TMEM178A: variants seen among roughly 807,000 people sequenced by gnomAD.
TMEM178A encodes the protein transmembrane protein 178.
Under a neutral mutation model 29.1 loss-of-function variants are expected in TMEM178A, and 12 were observed. The ratio of observed to expected loss-of-function variants is 0.41; its 90% CI spans 0.26 to 0.67. The LOEUF (loss-of-function observed/expected upper bound fraction) is 0.67, where lower values mean the gene tolerates loss of function less well. Ranked by LOEUF, TMEM178A falls within the 30% of genes least tolerant of loss-of-function variation. The probability of loss-of-function intolerance (pLI) is 0.29; values close to 1 mark genes in which losing one functional copy is unlikely to be tolerated. For synonymous variants in TMEM178A, 210 were observed against 187.2 expected, an observed-to-expected ratio of 1.12 and a Z score of -0.99; for missense variants, 366 against 419.1, an observed-to-expected ratio of 0.87 and a Z score of 1.11.
chr2:39,666,947 A>G (rs1296345407), intron 1 of TMEM178A, among the ~76,000 whole-genome samples: 1 of 152,362 alleles, frequency 6.6e-6, no homozygotes, highest in Non-Finnish European at 1.5e-5. Context: ...GCTGATGGGC[A>G]GCGAAGGAGG....
At chr2:39,667,683 T>G (rs1043883860) in intron 1 of TMEM178A, among the ~76,000 whole-genome samples, 3 of 152,220 alleles carry the variant, frequency 2.0e-5, no homozygotes, top group African/African-American at 7.2e-5. Flanking sequence ...AACTTCCTCC[T>G]TCCCATGGCT....
chr2:39,721,142 T>C (rs1672694620), downstream of TMEM178A, among the ~76,000 whole-genome samples: 1 of 152,264 alleles, frequency 6.6e-6, no homozygotes, highest in Admixed American at 6.5e-5. Context: ...TGAATTTCTC[T>C]GGGGCCTTGC....
chr2:39,714,249 G>A (rs997441851), intron 3 of TMEM178A, among the ~76,000 whole-genome samples: 35 of 152,216 alleles, frequency 2.3e-4, no homozygotes, highest in African/African-American at 8.4e-4. Flanking sequence ...GAGAGGGGAT[G>A]GATTTTTGGG....
At chr2:39,666,752 G>A (rs191834216) in intron 1 of TMEM178A, among the ~76,000 whole-genome samples, 5 of 152,326 alleles carry the variant, frequency 3.3e-5, no homozygotes, top group Admixed American at 3.3e-4. Flanking sequence ...CTCCCCGTGA[G>A]GGGGACTAAC....
At chr2:39,729,079 A>G in the TMEM178A span, among the ~76,000 whole-genome samples, 1 of 152,170 alleles carries the variant, frequency 6.6e-6, no homozygotes, top group African/African-American at 2.4e-5. Context: ...TTCGGCAGAA[A>G]AGGAATTCAT....
the TMEM178A span, among the ~76,000 whole-genome samples, chr2:39,733,694 T>C: frequency 1.5e-3 from 230 of 152,316 alleles, 1 homozygote; most frequent in African/African-American, 5.3e-3. Flanking sequence ...GGTTGCAAAA[T>C]TGGATGTTTG....
At position 39,717,364 on chromosome 2, in the gene TMEM178A, C is replaced by G; in HGVS notation, c.*113C>G. On this transcript the variant is annotated 3_prime_UTR_variant, in exon 4 of 4. Transcript: ENST00000281961. ...ACATTCCAACCTGTTGCCTGCCAGC[C>G]CTTTCTGGATTACTGATAGAAAATC... 2 of 1,427,998 alleles carry G rather than the reference C, an allele frequency of 1.4e-6. No homozygotes were observed. Among genetic ancestry groups the G allele is most frequent in the East Asian group, 2.4e-5 (1 of 41,530 alleles). 88.5% of individuals were successfully genotyped at this position (1,427,998 alleles called of 1,614,324 possible).
chr2:39,680,890 A>G (rs1558446706), intron 1 of TMEM178A, among the ~76,000 whole-genome samples: 2 of 152,200 alleles, frequency 1.3e-5, no homozygotes, highest in Non-Finnish European at 2.9e-5. Context: ...AGTTTTAGAT[A>G]GTGCTTTTTG....
At chr2:39,724,312 G>T in the TMEM178A span, among the ~76,000 whole-genome samples, 1 of 151,546 alleles carries the variant, frequency 6.6e-6, no homozygotes, top group Non-Finnish European at 1.5e-5. Flanking sequence ...CTAGCCTTAC[G>T]GTTAGAGGTA....
downstream of TMEM178A, among the ~76,000 whole-genome samples, chr2:39,722,826 CAG>C (rs1296773520): frequency 6.6e-6 from 1 of 152,180 alleles, no homozygotes; most frequent in African/African-American, 2.4e-5. Flanking sequence ...CTGGTTGGCC[CAG>C]AGTCTGACCA....
chr2:39,731,020 GC>G, the TMEM178A span, among the ~76,000 whole-genome samples: 1 of 152,182 alleles, frequency 6.6e-6, no homozygotes, highest in Admixed American at 6.5e-5. Context: ...ATGCCGTAAG[GC>G]CTTATGGTGA....
At chr2:39,702,827 T>C (rs909036074) in intron 1 of TMEM178A, among the ~76,000 whole-genome samples, 1 of 152,232 alleles carries the variant, frequency 6.6e-6, no homozygotes, top group African/African-American at 2.4e-5. Context: ...TTACTTGGGA[T>C]GCTTGTTAAA....
At chr2:39,687,807 C>CT (rs1671147202) in intron 1 of TMEM178A, among the ~76,000 whole-genome samples, 1 of 152,252 alleles carries the variant, frequency 6.6e-6, no homozygotes. Flanking sequence ...TCCTTGTTCA[C>CT]TTGAAAGGGT....
chr2:39,734,758 T>A, the TMEM178A span, among the ~76,000 whole-genome samples: 1 of 152,208 alleles, frequency 6.6e-6, no homozygotes. Flanking sequence ...ACCTGCAGCC[T>A]CTGCAGCCTT....
chr2:39,665,779 C>T (rs967879334), upstream of TMEM178A: 1 of 336,338 alleles, frequency 3.0e-6, no homozygotes, highest in Non-Finnish European at 4.5e-6. Context: ...CGGGGGCGGG[C>T]GGGCGGTGGG....
chr2:39,665,877 G>A (rs1670121733), upstream of TMEM178A: 5 of 1,126,276 alleles, frequency 4.4e-6, no homozygotes, highest in Admixed American at 1.3e-4. Context: ...GGGCAGGTGG[G>A]GGGAAGAGGG....
chr2:39,721,013 C>T (rs191579520), downstream of TMEM178A, among the ~76,000 whole-genome samples: 4 of 152,308 alleles, frequency 2.6e-5, no homozygotes, highest in East Asian at 7.7e-4. Flanking sequence ...TTAAAGCGTT[C>T]TCATTTATGT....
chr2:39,666,368 C>G lies in TMEM178A; in HGVS notation c.394C>G (p.Leu132Val). The change falls in exon 1 of 4, where the codon CTG becomes GTG. Residue 132 changes from leucine to valine, a missense_variant. Coordinates refer to ENST00000281961, the MANE Select transcript of TMEM178A (RefSeq NM_152390.3). ...CGACCGGGACATCGACACCCTCATCCTGAAAGGTGAGCGGCGGGCGCACCC... is the reference window on the plus strand; with the variant it reads ...CGACCGGGACATCGACACCCTCATCGTGAAAGGTGAGCGGCGGGCGCACCC... ...GIDRDIDTLILKGIAQRCTAI... is the reference protein window; with the variant it reads ...GIDRDIDTLIVKGIAQRCTAI... The G allele has an allele frequency of 7.1e-6, 10 of 1,399,836 alleles. No homozygotes were observed. Among genetic ancestry groups the G allele is most frequent in the Non-Finnish European group, 9.3e-6 (10 of 1,071,986 alleles). 86.7% of individuals were successfully genotyped at this position (1,399,836 alleles called of 1,614,324 possible). A position where few individuals can be genotyped will look rare whatever the true frequency, so the allele number is the denominator to read the frequency against.
chr2:39,694,175 A>T (rs1406140908), intron 1 of TMEM178A, among the ~76,000 whole-genome samples: 1 of 150,072 alleles, frequency 6.7e-6, no homozygotes, highest in Admixed American at 6.7e-5. Flanking sequence ...TAATAATAAT[A>T]ATAATAATAA....
Sources: allele counts gnomAD v4.1 joint callset (sites outside exome capture counted in the v4.1 genomes callset), GRCh38; gene constraint gnomAD v4.1.1; transcripts MANE v1.5; gene names NCBI Gene and HGNC (gene_info 2026-07-23, HGNC 2026-07-21).